Variants in ARPP21 observed in about 807,000 individuals in gnomAD.
The protein encoded by ARPP21 is cAMP regulated phosphoprotein 21.
A neutral mutation model predicts 113.2 loss-of-function variants in ARPP21; 69 were observed. That is an observed-to-expected ratio of 0.61 (90% confidence interval 0.50 to 0.74). ARPP21 has a LOEUF of 0.74. ARPP21 is among the 30% of genes least tolerant of loss of function. The pLI is 0.00. For synonymous variants in ARPP21, 368 were observed against 375.5 expected (o/e 0.98, Z 0.23); for missense variants, 1,070 against 1,037.4 (o/e 1.03, Z -0.43).
chr3:35,755,948 GAAGT>G (rs1282781618), intron 19 of ARPP21, among the ~76,000 whole-genome samples: 1 of 152,038 alleles, frequency 6.6e-6, no homozygotes, highest in Non-Finnish European at 1.5e-5. Flanking sequence ...CACTATCTCA[GAAGT>G]AAGTACCCCT....
At chr3:35,730,492 C>T (rs56182428) in intron 15 of ARPP21, among the ~76,000 whole-genome samples, 16,114 of 152,122 alleles carry the variant, frequency 0.11, 893 homozygotes, top group Non-Finnish European at 0.12. Flanking sequence ...GAAGATTATC[C>T]GGAACAAAAT....
At chr3:35,694,492 T>C (rs1196533274) in intron 9 of ARPP21, among the ~76,000 whole-genome samples, 1 of 151,464 alleles carries the variant, frequency 6.6e-6, no homozygotes, top group African/African-American at 2.4e-5. Flanking sequence ...AACCTTACCA[T>C]ATAAATAATT....
rs574829607 is a variant in ARPP21, at chr3:35,776,349, G to A, written c.2138-16033G>A. Among the ~76,000 whole-genome samples the A allele has an allele frequency of 2.6e-5, 4 of 152,296 alleles. No individual in the cohort carries two copies. The South Asian group carries it at 8.3e-4, about 32-fold the overall frequency. ...CTATACCTCTGCAAGGGACTCAGATGTGTTAGGTACTGAGAAGCCCTGTAA... is the reference window on the plus strand; with the variant it reads ...CTATACCTCTGCAAGGGACTCAGATATGTTAGGTACTGAGAAGCCCTGTAA... On this transcript the variant is annotated intron_variant, in intron 19 of 20. Coordinates refer to ENST00000684406, the MANE Select transcript of ARPP21 (RefSeq NM_001385562.1).
At chr3:35,763,282 C>G (rs975394384) in intron 19 of ARPP21, among the ~76,000 whole-genome samples, 2 of 152,070 alleles carry the variant, frequency 1.3e-5, no homozygotes, top group Non-Finnish European at 2.9e-5. Context: ...TTGGGTATCT[C>G]CCTTACAACT....
intron 1 of ARPP21, chr3:35,651,772 C>T: frequency 6.6e-6 from 1 of 152,000 alleles, no homozygotes; most frequent in East Asian, 1.9e-4. Context: ...GTCCTTATCA[C>T]TATTTTTTCT....
intron 19 of ARPP21, among the ~76,000 whole-genome samples, chr3:35,777,263 C>T (rs1321301915): frequency 6.6e-6 from 1 of 152,186 alleles, no homozygotes; most frequent in Non-Finnish European, 1.5e-5. Context: ...AACTACTACA[C>T]AGTAAATGCC....
intron 17 of ARPP21, 103 bp from the exon 18 acceptor site, chr3:35,739,214 C>G (rs2094524429): frequency 7.4e-7 from 1 of 1,348,512 alleles, no homozygotes; most frequent in African/African-American, 1.5e-5. Flanking sequence ...TACTTCCTGT[C>G]TCTCCCACAA....
rs2091459867 is a variant in ARPP21, at chr3:35,712,548, G to A, written c.898-2891G>A. Among the ~76,000 whole-genome samples, 3 of 151,068 alleles carry A rather than the reference G, an allele frequency of 2.0e-5. No individual in the cohort carries two copies. In the South Asian group the frequency reaches 6.3e-4, roughly 32 times the overall value. On this transcript the variant is annotated intron_variant, in intron 11 of 20. Coordinates refer to ENST00000684406, the MANE Select transcript of ARPP21 (RefSeq NM_001385562.1). ...TGTGTGTGTGTGTGTGTGTGTGTGT[G>A]TGTGTGTGTGTGTGAAAGAGAGAGA...
intron 11 of ARPP21, among the ~76,000 whole-genome samples, chr3:35,714,448 T>G (rs2092020808): frequency 6.6e-6 from 1 of 152,210 alleles, no homozygotes; most frequent in South Asian, 2.1e-4. Flanking sequence ...TAGTTTTATT[T>G]TATCTTAAAA....
chr3:35,790,544 C>T (rs920178610), intron 19 of ARPP21, among the ~76,000 whole-genome samples: 2 of 152,214 alleles, frequency 1.3e-5, no homozygotes, highest in African/African-American at 4.8e-5. Flanking sequence ...TCTCAAGTCT[C>T]TCTGCAAATG....
At chr3:35,791,383 C>T (rs959118283) in intron 19 of ARPP21, among the ~76,000 whole-genome samples, 2 of 152,098 alleles carry the variant, frequency 1.3e-5, no homozygotes, top group African/African-American at 4.8e-5. Context: ...TCCACTTACT[C>T]TTAGGTGCTC....
chr3:35,787,156 T>C (rs2096650828), intron 19 of ARPP21, among the ~76,000 whole-genome samples: 1 of 152,190 alleles, frequency 6.6e-6, no homozygotes, highest in Non-Finnish European at 1.5e-5. Context: ...CAGGCCTTCA[T>C]CTGATGTCCC....
At chr3:35,744,021 T>A (rs2150886511) in intron 19 of ARPP21, 56 bp downstream of exon 19, 1 of 1,593,908 alleles carries the variant, frequency 6.3e-7, no homozygotes, top group Non-Finnish European at 8.6e-7. Context: ...TGCTGGTGAA[T>A]CTTGTACTCT....
intron 9 of ARPP21, among the ~76,000 whole-genome samples, chr3:35,698,709 A>C (rs938337941): frequency 6.6e-6 from 1 of 151,718 alleles, no homozygotes; most frequent in Non-Finnish European, 1.5e-5. Flanking sequence ...TTAAATAATG[A>C]TGAAAGAGAA....
chr3:35,769,360 A>G (rs1373667214), intron 19 of ARPP21, among the ~76,000 whole-genome samples: 2 of 152,268 alleles, frequency 1.3e-5, no homozygotes, highest in South Asian at 2.1e-4. Flanking sequence ...TGTAACATAA[A>G]GTAGCAGCCT....
chr3:35,756,195 G>A (rs2095562709), intron 19 of ARPP21, among the ~76,000 whole-genome samples: 1 of 152,004 alleles, frequency 6.6e-6, no homozygotes, highest in South Asian at 2.1e-4. Context: ...GCACATAAAT[G>A]TAATGGTTCC....
intron 19 of ARPP21, among the ~76,000 whole-genome samples, chr3:35,759,541 G>A (rs1214625577): frequency 1.3e-5 from 2 of 152,020 alleles, no homozygotes; most frequent in Non-Finnish European, 2.9e-5. Flanking sequence ...AGGAATCTAT[G>A]AGTTTGCCAA....
rs146238511 is a variant in ARPP21, at chr3:35,679,799, T to C, written c.-200T>C. 2.6e-3 allele frequency: 395 copies of C among 152,452 alleles called. 6 individuals carry two copies. Among genetic ancestry groups the C allele is most frequent in the East Asian group, 5.1e-3 (26 of 5,120 alleles). 9.4% of individuals were successfully genotyped at this position (152,452 alleles called of 1,614,324 possible). ...CATCTTTTTTCAGGTTGACGATGTG[T>C]CACACTGTGTAAGGGAATCGCATGG... On this transcript the variant is annotated 5_prime_UTR_variant, in exon 2 of 21. Transcript: ENST00000684406.
At chr3:35,752,353 T>A (rs550506076) in intron 19 of ARPP21, among the ~76,000 whole-genome samples, 1 of 152,062 alleles carries the variant, frequency 6.6e-6, no homozygotes, top group Admixed American at 6.6e-5. Flanking sequence ...AAGAGTTCTT[T>A]GGTGAAGAAT....
Sources: allele counts gnomAD v4.1 joint callset (sites outside exome capture counted in the v4.1 genomes callset), GRCh38; gene constraint gnomAD v4.1.1; transcripts MANE v1.5; gene names NCBI Gene and HGNC (gene_info 2026-07-23, HGNC 2026-07-21).